Variants in ACSL1 observed in about 807,000 individuals in gnomAD.
The protein encoded by ACSL1 is acyl-CoA synthetase long chain family member 1, also known as long-chain-fatty-acid--CoA ligase 1.
Under a neutral mutation model 98.4 loss-of-function variants are expected in ACSL1, and 41 were observed. The observed-to-expected ratio is 0.42, with a 90% CI of 0.32 to 0.54. ACSL1 has a LOEUF of 0.54. Ranked by LOEUF, ACSL1 falls within the 20% of genes least tolerant of loss-of-function variation. ACSL1 has a pLI of 0.13. For missense variants in ACSL1, 734 were observed against 883.1 expected (o/e 0.83, Z 2.14); for synonymous variants, 316 against 322.7 (o/e 0.98, Z 0.22).
At chr4:184,807,336 T>C (rs1436267183) in intron 1 of ACSL1, among the ~76,000 whole-genome samples, 1 of 152,226 alleles carries the variant, frequency 6.6e-6, no homozygotes, top group Admixed American at 6.5e-5. Flanking sequence ...TATAATTCAA[T>C]TGGCTTAAAG....
In ACSL1 at chr4:184,773,062, C is replaced by A; in HGVS notation, c.915+19G>T. On this transcript the variant is annotated intron_variant, in intron 10 of 20. Coordinates refer to ENST00000281455, the MANE Select transcript of ACSL1 (RefSeq NM_001995.5). The surrounding 1 kb of genome is among the most constrained non-coding windows in gnomAD (Gnocchi z 4.3). ...AATGTCAATCAATGAGGAAAGATGA[C>A]GACATCCCAAAAAGTTACCTCTGTT... 1.9e-6 allele frequency: 3 copies of A among 1,608,926 alleles called. No individual in the cohort carries two copies. The highest frequency in any genetic ancestry group is 2.6e-6 in the Non-Finnish European group (3 of 1,175,534).
At chr4:184,772,957 C>G (rs1473463991) in intron 10 of ACSL1, 124 bp downstream of exon 10, 2 of 831,694 alleles carry the variant, frequency 2.4e-6, no homozygotes, top group Non-Finnish European at 3.8e-6. Flanking sequence ...CTGACCTTAC[C>G]CATATGTCAC....
chr4:184,792,860 G>C (rs1467124356), intron 2 of ACSL1, among the ~76,000 whole-genome samples: 2 of 152,228 alleles, frequency 1.3e-5, no homozygotes, highest in African/African-American at 2.4e-5. Flanking sequence ...GTAACAATTG[G>C]AGTCTGAAAT....
At chr4:184,764,786 A>G in intron 15 of ACSL1, 67 bp downstream of exon 15, 1 of 1,434,582 alleles carries the variant, frequency 7.0e-7, no homozygotes, top group Non-Finnish European at 9.5e-7. Flanking sequence ...GATTAACCCA[A>G]TTCCAGACAT....
intron 2 of ACSL1, among the ~76,000 whole-genome samples, chr4:184,799,640 G>T (rs142149386): frequency 8.2e-4 from 125 of 152,248 alleles, no homozygotes; most frequent in African/African-American, 2.9e-3. Flanking sequence ...TTGAGCCCAG[G>T]AGTTTGAGAC....
chr4:184,777,188 C>A (rs1765425394), intron 5 of ACSL1, among the ~76,000 whole-genome samples: 1 of 152,214 alleles, frequency 6.6e-6, no homozygotes, highest in South Asian at 2.1e-4. Context: ...GAAATTAAGG[C>A]CAGGCACACT....
intron 18 of ACSL1, 167 bp from the exon 19 acceptor site, chr4:184,758,087 T>A: frequency 1.6e-6 from 1 of 614,266 alleles, no homozygotes; most frequent in Non-Finnish European, 2.8e-6. Flanking sequence ...CAGCCCAGAT[T>A]AAGAACTCCT....
chr4:184,778,880 T>A (rs910655760), intron 5 of ACSL1, among the ~76,000 whole-genome samples: 2 of 152,078 alleles, frequency 1.3e-5, no homozygotes, highest in Non-Finnish European at 2.9e-5. Flanking sequence ...ACAGTCCAGC[T>A]GTGGAGAATG....
rs575621505 is a variant in ACSL1, at chr4:184,809,617, T to C, written c.-32-6071A>G. ...ACCATCCTGGCTAACACGGTGAAACTCCATCTCTACTAAAAATACAAAAAA... is the reference window on the plus strand; with the variant it reads ...ACCATCCTGGCTAACACGGTGAAACCCCATCTCTACTAAAAATACAAAAAA... On this transcript the variant is annotated intron_variant, in intron 1 of 20. Transcript: ENST00000281455. 2.7e-4 allele frequency among the ~76,000 whole-genome samples: 41 copies of C among 151,130 alleles called. No individual in the cohort carries two copies. In the South Asian group the frequency reaches 2.9e-3, roughly 11 times the overall value.
chr4:184,770,320 AG>A (rs1249276761), intron 11 of ACSL1, 78 bp downstream of exon 11: 7 of 1,581,324 alleles, frequency 4.4e-6, no homozygotes, highest in Non-Finnish European at 6.0e-6. Context: ...CTGGCACTCA[AG>A]GGAAGTGCTT....
chr4:184,820,724 C>T (rs910598267), intron 1 of ACSL1, among the ~76,000 whole-genome samples: 1 of 152,186 alleles, frequency 6.6e-6, no homozygotes, highest in East Asian at 1.9e-4. Context: ...CCTGCCTCAA[C>T]CTCCCGAGCA....
In ACSL1 at chr4:184,780,304, T is replaced by G. The variant is rs541814159; in HGVS notation, c.477+28A>C. 19 of 1,567,650 alleles carry G rather than the reference T, an allele frequency of 1.2e-5. No homozygotes were observed. The South Asian group carries it at 2.0e-4, about 17-fold the overall frequency. On this transcript the variant is annotated intron_variant, in intron 5 of 20. Transcript: ENST00000281455. ...TTATATCTGAGAATTCTCAAAATCA[T>G]GCATAGCAAGTACCTACTGGTTCAT...
intron 1 of ACSL1, chr4:184,815,166 G>A (rs1772514014): frequency 2.2e-6 from 1 of 454,192 alleles, no homozygotes; most frequent in South Asian, 1.6e-5. Flanking sequence ...GGCATCCGAG[G>A]GAGGGCTGTC....
Position 184,756,912 on chromosome 4 carries a change from G to T in ACSL1, c.*213C>A. The T allele has an allele frequency of 2.0e-6, 1 of 499,746 alleles. No individual in the cohort carries two copies. The highest frequency in any genetic ancestry group is 3.4e-6 in the Non-Finnish European group (1 of 292,232). The allele number at this position is 499,746 out of a possible 1,614,324, so 31.0% of individuals were successfully genotyped here. ...TTTTAAGGCTCATTTTGGAAAGTGT[G>T]TATTACCATAAACATGGTCTGCAAC... On this transcript the variant is annotated 3_prime_UTR_variant, in exon 21 of 21. Transcript: ENST00000281455.
chr4:184,803,307 G>A lies in ACSL1; in HGVS notation c.195+13C>T. Reference sequence around the variant, plus strand: ...GGAGAAAACGCACGAGGCAGGCTGGGCCCTCCACTCACCGCCACTTCCACT... The same window carrying A: ...GGAGAAAACGCACGAGGCAGGCTGGACCCTCCACTCACCGCCACTTCCACT... On this transcript the variant is annotated intron_variant, in intron 2 of 20. Coordinates refer to ENST00000281455, the MANE Select transcript of ACSL1 (RefSeq NM_001995.5). The surrounding 1 kb of genome is among the most constrained non-coding windows in gnomAD (Gnocchi z 4.8). 2 of 1,557,036 alleles carry A rather than the reference G, an allele frequency of 1.3e-6. No individual in the cohort carries two copies. Among genetic ancestry groups the A allele is most frequent in the Admixed American group, 1.9e-5 (1 of 52,704 alleles).
chr4:184,758,163 C>T, intron 18 of ACSL1: 1 of 478,026 alleles, frequency 2.1e-6, no homozygotes, highest in South Asian at 3.6e-5. Context: ...ACTGGGAATA[C>T]CAATCTAACA....
At chr4:184,813,382 T>C (rs781202985) in intron 1 of ACSL1, among the ~76,000 whole-genome samples, 16 of 152,206 alleles carry the variant, frequency 1.1e-4, no homozygotes, top group Non-Finnish European at 1.9e-4. Flanking sequence ...CTTGGGCAGA[T>C]AGCCTCCGTC....
intron 2 of ACSL1, among the ~76,000 whole-genome samples, chr4:184,802,945 A>G (rs73012243): frequency 0.035 from 5,331 of 152,274 alleles, 297 homozygotes; most frequent in African/African-American, 0.12. Context: ...TCTTTTGGTA[A>G]CATTTGTTTG....
At chr4:184,796,749 G>A (rs919326848) in intron 2 of ACSL1, among the ~76,000 whole-genome samples, 3 of 152,112 alleles carry the variant, frequency 2.0e-5, no homozygotes, top group Non-Finnish European at 4.4e-5. Context: ...AATACACATC[G>A]GATAACTGAT....
Sources: gnomAD v4.1 joint callset for allele counts (sites outside exome capture counted in the v4.1 genomes callset) on GRCh38, gnomAD v4.1.1 for gene constraint, Gnocchi (gnomAD v3.1) non-coding constraint, MANE v1.5 for transcripts, NCBI Gene and HGNC (gene_info 2026-07-23, HGNC 2026-07-21) for gene names.